Variants in CDS1 observed in about 807,000 individuals in gnomAD.
CDS1 encodes the protein phosphatidate cytidylyltransferase 1.
Under a neutral mutation model 62.1 loss-of-function variants are expected in CDS1, and 41 were observed. That is an observed-to-expected ratio of 0.66 (90% CI 0.51 to 0.86). The LOEUF is 0.86. Among genes scored for constraint, CDS1 ranks in the 40% least tolerant of loss-of-function variants. CDS1 has a pLI of 0.00. For synonymous variants in CDS1, 185 were observed against 192.6 expected, an observed-to-expected ratio of 0.96 and a Z score of 0.32; for missense variants, 470 against 550.1, an observed-to-expected ratio of 0.85 and a Z score of 1.46.
chr4:84,631,059 A>G (rs528575448), intron 5 of CDS1, among the ~76,000 whole-genome samples: 1 of 152,226 alleles, frequency 6.6e-6, no homozygotes, highest in Non-Finnish European at 1.5e-5. Context: ...ACATAAATAC[A>G]TATACTGTTT....
intron 1 of CDS1, among the ~76,000 whole-genome samples, chr4:84,586,676 G>C (rs866521358): frequency 6.6e-6 from 1 of 152,220 alleles, no homozygotes; most frequent in Non-Finnish European, 1.5e-5. Flanking sequence ...TGTGGCCTGG[G>C]GGTTGGGGAC....
intron 1 of CDS1, among the ~76,000 whole-genome samples, chr4:84,595,659 G>A (rs1722726437): frequency 1.3e-5 from 2 of 152,138 alleles, no homozygotes; most frequent in African/African-American, 4.8e-5. Context: ...AAAGCTGGAG[G>A]CATTATTTAT....
intron 5 of CDS1, among the ~76,000 whole-genome samples, chr4:84,620,615 T>A (rs1425140081): frequency 6.6e-6 from 1 of 152,202 alleles, no homozygotes; most frequent in Non-Finnish European, 1.5e-5. Flanking sequence ...AAAATTAGAT[T>A]CTTAAGATAA....
intron 2 of CDS1, 95 bp from the exon 3 acceptor site, chr4:84,609,328 CTTATAG>C (rs1383834570): frequency 8.3e-6 from 6 of 720,606 alleles, no homozygotes; most frequent in Non-Finnish European, 1.2e-5. Context: ...GTAGTAGAAT[CTTATAG>C]TTAAGGAAAA....
At chr4:84,629,274 T>TA (rs1401631199) in intron 5 of CDS1, among the ~76,000 whole-genome samples, 3 of 151,222 alleles carry the variant, frequency 2.0e-5, no homozygotes, top group Non-Finnish European at 4.4e-5. Flanking sequence ...TGTTTTTCTT[T>TA]AAAAAATAAT....
In CDS1 at chr4:84,643,097, T is replaced by G; in HGVS notation, c.1106T>G (p.Phe369Cys). ...LSTFASLIGP[F>C]GGFFASGFKR... ...ACCTTTGCATCTTTAATTGGCCCAT[T>G]TGGAGGCTTCTTTGCTAGTGGATTC... is the stretch of plus-strand genomic sequence containing the variant. Residue 369 changes from phenylalanine to cysteine, a missense_variant, in exon 11 of 13, where the codon TTT (phenylalanine) becomes TGT (cysteine). Physicochemically the swap from Phe to Cys is radical, Grantham distance 205 (BLOSUM62 -2). Around this residue, in one of 5 missense-constraint regions of CDS1, gnomAD observed 214 missense variants for 242.4 expected, o/e 0.88. Transcript: ENST00000295887. 1 of 1,613,496 alleles carries G rather than the reference T, an allele frequency of 6.2e-7. No homozygotes were observed. Among genetic ancestry groups the G allele is most frequent in the Non-Finnish European group, 8.5e-7 (1 of 1,179,650 alleles).
At chr4:84,599,405 C>CATATATATATATATAT (rs59313355) in intron 1 of CDS1, among the ~76,000 whole-genome samples, 1 of 24,708 alleles carries the variant, frequency 4.0e-5, no homozygotes, top group East Asian at 1.9e-3. Context: ...CACACACACA[C>CATATATATATATATAT]ATATATATAT....
At chr4:84,642,600 TC>T (rs1049509634) in intron 10 of CDS1, among the ~76,000 whole-genome samples, 10 of 152,164 alleles carry the variant, frequency 6.6e-5, no homozygotes, top group African/African-American at 2.4e-4. Flanking sequence ...TAGAGAAAAG[TC>T]CAACTTTTCC....
intron 3 of CDS1, among the ~76,000 whole-genome samples, chr4:84,616,129 C>T (rs1354736377): frequency 6.6e-6 from 1 of 152,176 alleles, no homozygotes; most frequent in East Asian, 1.9e-4. Flanking sequence ...ATCTGACTAA[C>T]TTTGCTTTAC....
intron 1 of CDS1, among the ~76,000 whole-genome samples, chr4:84,599,957 A>C (rs557535161): frequency 1.5e-3 from 235 of 152,214 alleles, no homozygotes; most frequent in African/African-American, 5.4e-3. Flanking sequence ...AAAAACTGTG[A>C]TACTGTTTTC....
At chr4:84,597,019 A>T (rs1264977620) in intron 1 of CDS1, among the ~76,000 whole-genome samples, 1 of 152,100 alleles carries the variant, frequency 6.6e-6, no homozygotes, top group Non-Finnish European at 1.5e-5. Flanking sequence ...TGTGATGAGG[A>T]GGTAGGTGGA....
At chr4:84,617,808 A>T in intron 4 of CDS1, 147 bp downstream of exon 4, 1 of 454,914 alleles carries the variant, frequency 2.2e-6, no homozygotes, top group Non-Finnish European at 3.8e-6. Context: ...TTGAATTTTG[A>T]AAAGATCACC....
At chr4:84,598,421 T>TA (rs989321128) in intron 1 of CDS1, among the ~76,000 whole-genome samples, 1 of 151,116 alleles carries the variant, frequency 6.6e-6, no homozygotes, top group Admixed American at 6.6e-5. Flanking sequence ...TTTTTTTTTT[T>TA]AATTTTATTA....
In CDS1 at chr4:84,585,870, G is replaced by A. The variant is rs539455484; in HGVS notation, c.117+2352G>A. Among the ~76,000 whole-genome samples, 8 of 152,288 alleles carry A rather than the reference G, an allele frequency of 5.3e-5. No individual in the cohort carries two copies. The East Asian group carries it at 1.5e-3, about 29-fold the overall frequency. On this transcript the variant is annotated intron_variant, in intron 1 of 12. Coordinates refer to ENST00000295887, the MANE Select transcript of CDS1 (RefSeq NM_001263.4). ...GACATCTTCAAGGAACCCTGCAGGA[G>A]ACATATATGAGTTAGATTTATTGGA...
At chr4:84,608,378 G>T (rs577566292) in intron 2 of CDS1, among the ~76,000 whole-genome samples, 1 of 152,138 alleles carries the variant, frequency 6.6e-6, no homozygotes. Context: ...GTTTCACCGT[G>T]TTAGCCAGGA....
intron 1 of CDS1, among the ~76,000 whole-genome samples, chr4:84,585,649 C>G (rs1315102240): frequency 1.3e-5 from 2 of 152,190 alleles, no homozygotes; most frequent in African/African-American, 2.4e-5. Context: ...TTATAATACA[C>G]TCCCATGCAT....
Position 84,623,982 on chromosome 4 carries a change from G to GT in CDS1, c.580+4457dup, listed in dbSNP as rs947919519. Among the ~76,000 whole-genome samples, 54 of 151,804 alleles carry GT rather than the reference G, an allele frequency of 3.6e-4. 1 individual carries two copies. The highest frequency in any genetic ancestry group is 1.1e-3 in the African/African-American group (47 of 41,390). ...CAGGTGTTTCAAGAGGCCTAAACTA[G>GT]TTTTTTTTGCTGGGCGCAGTGGCTC... On this transcript the variant is annotated intron_variant, in intron 5 of 12. Transcript: ENST00000295887.
At position 84,633,815 on chromosome 4, in the gene CDS1, C is replaced by G. The variant is rs1252581235; in HGVS notation, c.640-42C>G. The G allele has an allele frequency of 2.2e-6, 3 of 1,334,136 alleles. No homozygotes were observed. The Admixed American group carries it at 5.9e-5, about 26-fold the overall frequency. The allele number at this position is 1,334,136 out of a possible 1,614,324, so 82.6% of individuals were successfully genotyped here. A position where few individuals can be genotyped will look rare whatever the true frequency, so the allele number is the denominator to read the frequency against. Reference sequence around the variant, plus strand: ...CTGTTGCTTCTTCAGCTGCACTGATCAGTTGTGTTCACTAATTTTTGTATT... The same window carrying G: ...CTGTTGCTTCTTCAGCTGCACTGATGAGTTGTGTTCACTAATTTTTGTATT... On this transcript the variant is annotated intron_variant, in intron 6 of 12. Transcript: ENST00000295887.
intron 6 of CDS1, among the ~76,000 whole-genome samples, chr4:84,633,330 C>T (rs937570017): frequency 1.3e-5 from 2 of 152,172 alleles, no homozygotes; most frequent in African/African-American, 2.4e-5. Context: ...AGACCTGTCA[C>T]GATCACCCTT....
Sources: allele counts gnomAD v4.1 joint callset (sites outside exome capture counted in the v4.1 genomes callset), GRCh38; gene constraint gnomAD v4.1.1; regional missense constraint gnomAD v4.1.1; transcripts MANE v1.5; gene names NCBI Gene and HGNC (gene_info 2026-07-23, HGNC 2026-07-21).